Variants in NUP214 observed in about 807,000 individuals in gnomAD.
NUP214 encodes the protein nucleoporin 214.
A neutral mutation model predicts 196.2 loss-of-function variants in NUP214; 79 were observed. The observed-to-expected ratio is 0.40, with a 90% CI of 0.34 to 0.49. The LOEUF is 0.49. Among genes scored for constraint, NUP214 ranks in the 20% least tolerant of loss-of-function variants. The pLI is 0.58. For missense variants in NUP214, 2,468 were observed against 2,539.0 expected, an observed-to-expected ratio of 0.97 and a Z score of 0.60; for synonymous variants, 1,020 against 990.5, an observed-to-expected ratio of 1.03 and a Z score of -0.56.
chr9:131,184,098 T>G (rs1833380239), intron 24 of NUP214, among the ~76,000 whole-genome samples: 1 of 141,660 alleles, frequency 7.1e-6, no homozygotes, highest in African/African-American at 2.6e-5. Flanking sequence ...TGGCGCAATC[T>G]CAGCTCATTC....
Position 131,198,884 on chromosome 9 carries a change from T to C in NUP214, c.5390T>C (p.Leu1797Pro). 1 of 1,614,136 alleles carries C rather than the reference T, an allele frequency of 6.2e-7. No individual in the cohort carries two copies. The highest frequency in any genetic ancestry group is 8.5e-7 in the Non-Finnish European group (1 of 1,180,026). Residue 1797 changes from leucine to proline, a missense_variant, in exon 29 of 36, where the codon CTG (leucine) becomes CCG (proline). Coordinates refer to ENST00000359428, the MANE Select transcript of NUP214 (RefSeq NM_005085.4). ...TCTTCTCCCAACACAGGAGGGGGGC[T>C]GTTTGGCCAAAGCAACGCTCCTGCT... ...GQSSPNTGGG[L>P]FGQSNAPAFG...
intron 30 of NUP214, among the ~76,000 whole-genome samples, chr9:131,204,528 G>A (rs1277114434): frequency 6.6e-6 from 1 of 152,212 alleles, no homozygotes; most frequent in Non-Finnish European, 1.5e-5. Flanking sequence ...GAATGCGCAT[G>A]ATTGTGTTCA....
intron 21 of NUP214, among the ~76,000 whole-genome samples, chr9:131,171,520 C>T (rs1832955504): frequency 6.6e-6 from 1 of 150,414 alleles, no homozygotes; most frequent in African/African-American, 2.4e-5. Context: ...AAAACAGTAC[C>T]TAGTTGTTAT....
At chr9:131,215,502 A>C in intron 31 of NUP214, 134 bp downstream of exon 31, 5 of 970,628 alleles carry the variant, frequency 5.2e-6, no homozygotes, top group Non-Finnish European at 7.1e-6. Flanking sequence ...ATCTTCCCCA[A>C]AGCAGTGTGA....
At chr9:131,195,081 T>C in intron 27 of NUP214, 152 bp from the exon 28 acceptor site, 3 of 592,500 alleles carry the variant, frequency 5.1e-6, no homozygotes, top group East Asian at 5.8e-5. Flanking sequence ...TTACTGCTTC[T>C]GAGATAGGTG....
At chr9:131,216,003 A>G (rs1411382205) in intron 31 of NUP214, among the ~76,000 whole-genome samples, 2 of 150,706 alleles carry the variant, frequency 1.3e-5, no homozygotes, top group East Asian at 1.9e-4. Flanking sequence ...CCCAGGTTCA[A>G]ATGATTCTCC....
intron 34 of NUP214, among the ~76,000 whole-genome samples, chr9:131,231,719 T>C (rs1834883918): frequency 6.6e-6 from 1 of 151,878 alleles, no homozygotes. Context: ...ATATGTGTCT[T>C]CCATTTTGTT....
intron 30 of NUP214, among the ~76,000 whole-genome samples, chr9:131,214,817 G>A (rs759030290): frequency 6.6e-6 from 1 of 152,208 alleles, no homozygotes; most frequent in East Asian, 1.9e-4. Flanking sequence ...TCAGCCAAAC[G>A]CTGGAGGAAT....
At position 131,199,032 on chromosome 9, in the gene NUP214, G is replaced by A. The variant is rs1311389206; in HGVS notation, c.5521+17G>A. ...AAGCTTCAGGTAAGAATTTGTGGAA[G>A]CTTTTTACTTGTTTCCCTCTCTGCT... On this transcript the variant is annotated intron_variant, in intron 29 of 35. Transcript: ENST00000359428. 1 of 1,562,502 alleles carries A rather than the reference G, an allele frequency of 6.4e-7. No homozygotes were observed. Among genetic ancestry groups the A allele is most frequent in the Non-Finnish European group, 8.7e-7 (1 of 1,155,118 alleles).
chr9:131,159,505 C>G lies in NUP214; in HGVS notation c.2540+19C>G, dbSNP rs145041286. ...AACAAAGGTGAATGAGATCTCTCAT[C>G]TGCAATGTGTTGGAATAGATATTGC... On this transcript the variant is annotated intron_variant, in intron 18 of 35. Transcript: ENST00000359428. The G allele has an allele frequency of 1.9e-6, 3 of 1,544,072 alleles. No homozygotes were observed. Among genetic ancestry groups the G allele is most frequent in the African/African-American group, 2.7e-5 (2 of 73,636 alleles).
chr9:131,206,946 T>C (rs1564210763), intron 30 of NUP214, among the ~76,000 whole-genome samples: 1 of 152,218 alleles, frequency 6.6e-6, no homozygotes, highest in African/African-American at 2.4e-5. Flanking sequence ...CAAGGTTTTT[T>C]CTATGATGGC....
chr9:131,206,260 C>G (rs1195350543), intron 30 of NUP214, among the ~76,000 whole-genome samples: 1 of 150,032 alleles, frequency 6.7e-6, no homozygotes, highest in Non-Finnish European at 1.5e-5. Context: ...ATTCTCCTGC[C>G]TTAGCTACCC....
Position 131,198,366 on chromosome 9 carries a change from T to G in NUP214, c.4872T>G (p.Val1624=). The change falls in exon 29 of 36, where the codon GTT becomes GTG. Residue 1624 remains valine, a synonymous_variant. Coordinates refer to ENST00000359428, the MANE Select transcript of NUP214 (RefSeq NM_005085.4). ...TPIASSTTSI[V]APGPSAEAAA... ...TAGCCTCCAGCACCACGTCCATTGT[T>G]GCTCCCGGCCCATCTGCAGAGGCAG... The G allele has an allele frequency of 6.2e-7, 1 of 1,614,246 alleles. No homozygotes were observed. Among genetic ancestry groups the G allele is most frequent in the Non-Finnish European group, 8.5e-7 (1 of 1,180,038 alleles).
At chr9:131,183,961 T>C (rs1176457388) in intron 24 of NUP214, among the ~76,000 whole-genome samples, 1 of 151,736 alleles carries the variant, frequency 6.6e-6, no homozygotes, top group Non-Finnish European at 1.5e-5. Flanking sequence ...TCGTTTACAT[T>C]TTCCATGTCA....
intron 5 of NUP214, 58 bp from the exon 6 acceptor site, chr9:131,132,538 G>C: frequency 4.2e-6 from 6 of 1,438,300 alleles, no homozygotes; most frequent in Non-Finnish European, 4.9e-6. Context: ...TTGACAGTTT[G>C]ATTGGTTTAG....
At chr9:131,178,693 G>A (rs1833182930) in intron 24 of NUP214, among the ~76,000 whole-genome samples, 1 of 139,872 alleles carries the variant, frequency 7.1e-6, no homozygotes, top group Non-Finnish European at 1.5e-5. Context: ...CACATTAGGT[G>A]TGCAGGTTGA....
intron 4 of NUP214, 126 bp from the exon 5 acceptor site, chr9:131,130,640 A>C: frequency 5.5e-5 from 46 of 834,670 alleles, no homozygotes; most frequent in Non-Finnish European, 8.2e-5. Flanking sequence ...TTTGCCTGAT[A>C]GAGATGATCC....
chr9:131,185,135 T>C (rs542129713), intron 24 of NUP214, among the ~76,000 whole-genome samples: 7 of 152,324 alleles, frequency 4.6e-5, no homozygotes, highest in Admixed American at 1.3e-4. Context: ...TTCATTAAAG[T>C]TGGAGGGATC....
chr9:131,227,059 T>G (rs1834743742), intron 32 of NUP214, among the ~76,000 whole-genome samples: 1 of 152,248 alleles, frequency 6.6e-6, no homozygotes, highest in Non-Finnish European at 1.5e-5. Context: ...GTGCTCCCAG[T>G]TAGAGCACAT....
Sources: allele counts gnomAD v4.1 joint callset (sites outside exome capture counted in the v4.1 genomes callset), GRCh38; gene constraint gnomAD v4.1.1; transcripts MANE v1.5; gene names NCBI Gene and HGNC (gene_info 2026-07-23, HGNC 2026-07-21).